TRPS1: variants seen among roughly 807,000 people sequenced by gnomAD.
TRPS1 encodes the protein zinc finger transcription factor Trps1.
A neutral mutation model predicts 101.2 loss-of-function variants in TRPS1; 6 were observed. The ratio of observed to expected loss-of-function variants is 0.06; its 90% CI spans 0.03 to 0.12. The LOEUF is 0.12. Ranked by LOEUF, TRPS1 falls within the 10% of genes least tolerant of loss-of-function variation. The probability of loss-of-function intolerance (pLI) is 1.00; values close to 1 mark genes in which losing one functional copy is unlikely to be tolerated. For missense variants in TRPS1, 1,363 were observed against 1,567.0 expected, an observed-to-expected ratio of 0.87 and a Z score of 2.20; for synonymous variants, 578 against 589.8, an observed-to-expected ratio of 0.98 and a Z score of 0.29.
intron 1 of TRPS1, chr8:115,668,153 C>CT: frequency 1.8e-6 from 1 of 562,796 alleles, no homozygotes; most frequent in Non-Finnish European, 3.2e-6. Context: ...CCAGGGGCTA[C>CT]TGCAGTTTGA....
chr8:115,591,211 T>A (rs1817673211), intron 4 of TRPS1, among the ~76,000 whole-genome samples: 2 of 152,222 alleles, frequency 1.3e-5, no homozygotes, highest in African/African-American at 2.4e-5. Context: ...TGTGTTTTAT[T>A]AAAACCTTGG....
At position 115,418,675 on chromosome 8, in the gene TRPS1, T is replaced by TC. The variant is rs1416577242; in HGVS notation, c.2701-224dup. On this transcript the variant is annotated intron_variant, in intron 5 of 6. Transcript: ENST00000395715. This position sits in a 1 kb window ranked among gnomAD's most constrained non-coding sequence, Gnocchi z 4.3. The stretch of plus-strand genomic sequence containing the variant: ...AGGTGTGTGGAACACCAAAGGCTTT[T>TC]CACAGAAACAGCTTTAACTTTTTGA... Among the ~76,000 whole-genome samples, 1 of 152,234 alleles carries TC rather than the reference T, an allele frequency of 6.6e-6. No homozygotes were observed. Among genetic ancestry groups the TC allele is most frequent in the Non-Finnish European group, 1.5e-5 (1 of 68,038 alleles).
intron 5 of TRPS1, among the ~76,000 whole-genome samples, chr8:115,533,419 C>T (rs1351099501): frequency 1.7e-5 from 2 of 119,484 alleles, no homozygotes; most frequent in African/African-American, 6.3e-5. Context: ...AAGGGGCCCG[C>T]TTCCCACATG....
chr8:115,539,758 C>T (rs147211915), intron 5 of TRPS1, among the ~76,000 whole-genome samples: 9 of 152,160 alleles, frequency 5.9e-5, no homozygotes, highest in South Asian at 2.1e-4. Context: ...CTCGGGAGGC[C>T]GAGATAGTAG....
intron 1 of TRPS1, among the ~76,000 whole-genome samples, chr8:115,626,564 T>C (rs746936155): frequency 2.0e-5 from 3 of 151,856 alleles, no homozygotes; most frequent in Non-Finnish European, 2.9e-5. Context: ...CTGAATTGAC[T>C]GTTCCCAAAT....
At chr8:115,499,968 CT>C (rs72124622) in intron 5 of TRPS1, among the ~76,000 whole-genome samples, 2,054 of 95,422 alleles carry the variant, frequency 0.022, 25 homozygotes, top group East Asian at 0.063. Flanking sequence ...TCTTTCTTTT[CT>C]TTTCTTTTCT....
At chr8:115,428,826 A>G (rs1039377855) in intron 5 of TRPS1, among the ~76,000 whole-genome samples, 8 of 152,208 alleles carry the variant, frequency 5.3e-5, no homozygotes, top group Admixed American at 2.0e-4. Context: ...TCAATTTTGT[A>G]TGTCCTCAGG....
intron 5 of TRPS1, among the ~76,000 whole-genome samples, chr8:115,572,876 T>G (rs765547421): frequency 5.9e-5 from 9 of 152,156 alleles, no homozygotes; most frequent in Non-Finnish European, 1.0e-4. Flanking sequence ...CTCACGCCTG[T>G]AATCCCAGCA....
chr8:115,416,434 T>C (rs966925707), intron 6 of TRPS1, among the ~76,000 whole-genome samples: 3 of 150,922 alleles, frequency 2.0e-5, no homozygotes, highest in African/African-American at 7.3e-5. Context: ...CAGAAAATAA[T>C]TTCCACATAA....
intron 5 of TRPS1, among the ~76,000 whole-genome samples, chr8:115,584,852 TA>T (rs1245652540): frequency 6.6e-6 from 1 of 152,132 alleles, no homozygotes; most frequent in Non-Finnish European, 1.5e-5. Context: ...TGTTGCCCAA[TA>T]AATTAAATTG....
intron 3 of TRPS1, among the ~76,000 whole-genome samples, chr8:115,611,170 G>A (rs1818154853): frequency 6.6e-6 from 1 of 151,450 alleles, no homozygotes; most frequent in South Asian, 2.1e-4. Context: ...TATTTTATAG[G>A]AAAAATAAAC....
chr8:115,493,299 G>A (rs1815072719), intron 5 of TRPS1, among the ~76,000 whole-genome samples: 1 of 152,140 alleles, frequency 6.6e-6, no homozygotes, highest in African/African-American at 2.4e-5. Context: ...ATGGCATATA[G>A]CCTTTAAAAC....
chr8:115,595,826 A>G (rs1351407720), intron 4 of TRPS1, among the ~76,000 whole-genome samples: 1 of 151,824 alleles, frequency 6.6e-6, no homozygotes, highest in African/African-American at 2.4e-5. Flanking sequence ...CTAATAAATC[A>G]TGTATACAAA....
intron 5 of TRPS1, among the ~76,000 whole-genome samples, chr8:115,452,908 T>C (rs769385030): frequency 2.6e-5 from 4 of 152,150 alleles, no homozygotes; most frequent in Non-Finnish European, 5.9e-5. Context: ...TATATCAATG[T>C]GGAAACAGAT....
chr8:115,522,405 A>G (rs1243469183), intron 5 of TRPS1, among the ~76,000 whole-genome samples: 1 of 151,998 alleles, frequency 6.6e-6, no homozygotes, highest in Non-Finnish European at 1.5e-5. Context: ...AATGGGGGAG[A>G]AAAGTTCAAC....
chr8:115,425,698 C>T (rs1411526304), intron 5 of TRPS1, among the ~76,000 whole-genome samples: 1 of 152,218 alleles, frequency 6.6e-6, no homozygotes, highest in Non-Finnish European at 1.5e-5. Flanking sequence ...GTATATCCCA[C>T]TCTTTATTCA....
intron 5 of TRPS1, among the ~76,000 whole-genome samples, chr8:115,571,054 A>G (rs553458702): frequency 8.5e-5 from 13 of 152,324 alleles, no homozygotes; most frequent in Non-Finnish European, 1.8e-4. Context: ...CCTATTTCCA[A>G]GACTTTCACC....
chr8:115,464,097 C>A (rs1467145578), intron 5 of TRPS1, among the ~76,000 whole-genome samples: 1 of 151,966 alleles, frequency 6.6e-6, no homozygotes, highest in Non-Finnish European at 1.5e-5. Flanking sequence ...AACAAAATCA[C>A]CAAATAGCTG....
chr8:115,513,621 T>C (rs1267822366), intron 5 of TRPS1, among the ~76,000 whole-genome samples: 1 of 151,688 alleles, frequency 6.6e-6, no homozygotes, highest in Non-Finnish European at 1.5e-5. Context: ...ATTTACTTAT[T>C]GTGTATGGCT....
Sources: gnomAD v4.1 joint callset for allele counts (sites outside exome capture counted in the v4.1 genomes callset) on GRCh38, gnomAD v4.1.1 for gene constraint, Gnocchi (gnomAD v3.1) non-coding constraint, MANE v1.5 for transcripts, NCBI Gene and HGNC (gene_info 2026-07-23, HGNC 2026-07-21) for gene names.